ASAP1: variants seen among roughly 807,000 people sequenced by gnomAD.
ASAP1 encodes arf-GAP with SH3 domain, ANK repeat and PH domain-containing protein 1.
ASAP1 carries 43 observed loss-of-function variants against 145.2 expected under a neutral mutation model. The ratio of observed to expected loss-of-function variants is 0.30; its 90% CI spans 0.23 to 0.38. The LOEUF (loss-of-function observed/expected upper bound fraction) is 0.38. Among genes scored for constraint, ASAP1 ranks in the 10% least tolerant of loss-of-function variants. The pLI is 1.00. For missense variants in ASAP1, 1,018 were observed against 1,355.3 expected (o/e 0.75, Z 3.91); for synonymous variants, 546 against 515.5 (o/e 1.06, Z -0.80).
chr8:130,248,506 G>A lies in ASAP1; in HGVS notation c.187-11512C>T, dbSNP rs1006774361. 2.0e-5 allele frequency among the ~76,000 whole-genome samples: 3 copies of A among 152,114 alleles called. No individual in the cohort carries two copies. In the East Asian group the frequency reaches 5.8e-4, roughly 29 times the overall value. ...ACACTGGGACCCATCACACAGGGAG[G>A]AAAGGGCCATGGTAAGGAGACTGGA... On this transcript the variant is annotated intron_variant, in intron 3 of 29. Coordinates refer to ENST00000518721, the MANE Select transcript of ASAP1 (RefSeq NM_018482.4).
At chr8:130,394,923 G>A (rs1828456986) in intron 2 of ASAP1, among the ~76,000 whole-genome samples, 2 of 152,184 alleles carry the variant, frequency 1.3e-5, no homozygotes, top group Non-Finnish European at 2.9e-5. Flanking sequence ...GCAAACAGCA[G>A]AACCAGGAGA....
intron 13 of ASAP1, among the ~76,000 whole-genome samples, chr8:130,140,888 T>C (rs1484151659): frequency 6.6e-6 from 1 of 152,222 alleles, no homozygotes; most frequent in African/African-American, 2.4e-5. Context: ...AGGGGAGTGG[T>C]ATGTTCCACA....
intron 2 of ASAP1, among the ~76,000 whole-genome samples, chr8:130,380,534 C>A (rs1160360470): frequency 6.6e-6 from 1 of 152,130 alleles, no homozygotes; most frequent in Non-Finnish European, 1.5e-5. Flanking sequence ...CTCCACCAAC[C>A]GGCTGGGGTC....
In ASAP1 at chr8:130,141,043, T is replaced by C. The variant is rs867525062; in HGVS notation, c.1081-4005A>G. On this transcript the variant is annotated intron_variant, in intron 13 of 29. Transcript: ENST00000518721. ...ATAGGTATATTGATTGGAGACTGTA[T>C]AATCTTTCCTGGGATTTCAGCAGAC... 1.2e-4 allele frequency among the ~76,000 whole-genome samples: 18 copies of C among 152,344 alleles called. 1 individual carries two copies. The South Asian group carries it at 2.7e-3, about 23-fold the overall frequency.
At chr8:130,247,387 A>C (rs11785146) in intron 3 of ASAP1, among the ~76,000 whole-genome samples, 1,589 of 152,286 alleles carry the variant, frequency 0.01, 14 homozygotes, top group Middle Eastern at 0.041. Flanking sequence ...TGAACATCAG[A>C]ATGGCCCTAA....
intron 13 of ASAP1, among the ~76,000 whole-genome samples, chr8:130,145,284 T>A (rs1400197390): frequency 6.6e-6 from 1 of 152,176 alleles, no homozygotes; most frequent in African/African-American, 2.4e-5. Context: ...ATAAAATGCA[T>A]TAATTTGATA....
At chr8:130,191,899 C>G (rs543970379) in intron 5 of ASAP1, among the ~76,000 whole-genome samples, 2 of 152,128 alleles carry the variant, frequency 1.3e-5, no homozygotes, top group East Asian at 3.9e-4. Flanking sequence ...TCTTCCTAAC[C>G]CTTTCCTGTT....
At chr8:130,125,615 G>A (rs1322909959) in intron 17 of ASAP1, among the ~76,000 whole-genome samples, 1 of 152,152 alleles carries the variant, frequency 6.6e-6, no homozygotes, top group East Asian at 1.9e-4. Flanking sequence ...CAGAAGCCAT[G>A]AGGTAATGTG....
chr8:130,116,949 A>G lies in ASAP1; in HGVS notation c.1927T>C (p.Tyr643His). 2.5e-6 allele frequency: 4 copies of G among 1,613,446 alleles called. No individual in the cohort carries two copies. The highest frequency in any genetic ancestry group is 3.4e-6 in the Non-Finnish European group (4 of 1,179,828). ...TCAGGTTTACTGTACATACTACAGT[A>G]GTGTAGAACTGTGTTTCCCAGGGCC... is the stretch of plus-strand genomic sequence containing the variant. Reference protein sequence around the residue: ...QTALGNTVLHYCSMYSKPECL... With the variant: ...QTALGNTVLHHCSMYSKPECL... Residue 643 changes from tyrosine to histidine, a missense_variant, in exon 21 of 30, where the codon TAC becomes CAC. Around this residue, in one of 9 missense-constraint regions of ASAP1, gnomAD observed 353 missense variants for 375.4 expected, o/e 0.94. Coordinates refer to ENST00000518721, the MANE Select transcript of ASAP1 (RefSeq NM_018482.4).
chr8:130,067,661 A>T (rs551323240), intron 27 of ASAP1, among the ~76,000 whole-genome samples: 5 of 152,248 alleles, frequency 3.3e-5, no homozygotes, highest in Admixed American at 1.3e-4. Flanking sequence ...TGGGCCTCCC[A>T]AAGTGCTTGG....
intron 1 of ASAP1, among the ~76,000 whole-genome samples, chr8:130,405,165 G>C (rs1828968850): frequency 6.6e-6 from 1 of 152,032 alleles, no homozygotes; most frequent in African/African-American, 2.4e-5. Context: ...CACATAGACA[G>C]CACAAGTATG....
chr8:130,271,435 CAT>C (rs1169340486), intron 3 of ASAP1, among the ~76,000 whole-genome samples: 1 of 152,182 alleles, frequency 6.6e-6, no homozygotes, highest in Non-Finnish European at 1.5e-5. Flanking sequence ...ATACCTTTTA[CAT>C]AGTTTTGATA....
intron 3 of ASAP1, among the ~76,000 whole-genome samples, chr8:130,353,622 CACTT>C: frequency 6.6e-6 from 1 of 152,340 alleles, no homozygotes; most frequent in South Asian, 2.1e-4. Context: ...GTAATCCCAG[CACTT>C]TGGAAGGCTA....
chr8:130,335,424 T>C (rs1439588209), intron 3 of ASAP1, among the ~76,000 whole-genome samples: 1 of 152,144 alleles, frequency 6.6e-6, no homozygotes, highest in Non-Finnish European at 1.5e-5. Context: ...GTGAGCAACA[T>C]AGCCAGGATT....
intron 5 of ASAP1, among the ~76,000 whole-genome samples, chr8:130,213,572 T>C (rs554420108): frequency 6.6e-6 from 1 of 152,282 alleles, no homozygotes; most frequent in African/African-American, 2.4e-5. Context: ...TTCTGGATCC[T>C]TAAAGGAGGT....
chr8:130,135,419 A>G (rs1464711850), intron 14 of ASAP1, among the ~76,000 whole-genome samples: 1 of 152,176 alleles, frequency 6.6e-6, no homozygotes, highest in Non-Finnish European at 1.5e-5. Context: ...CAGGAGGTTG[A>G]GGCTGCAGTG....
intron 5 of ASAP1, among the ~76,000 whole-genome samples, chr8:130,206,457 A>T (rs1481955184): frequency 4.6e-5 from 7 of 152,086 alleles, no homozygotes; most frequent in Admixed American, 4.6e-4. Flanking sequence ...AGAAAAATAA[A>T]AAAAAAAACA....
At position 130,060,806 on chromosome 8, in the gene ASAP1, G is replaced by A; in HGVS notation, c.2965C>T (p.Leu989=). Residue 989 remains leucine, a synonymous_variant, in exon 28 of 30, where the codon CTG becomes TTG. Transcript: ENST00000518721. ...TCTCCCAGCTGTGGTTTGGGGGGCA[G>A]GTCCTTCATCTGTGGTTTGGGAGGT... is the stretch of plus-strand genomic sequence containing the variant. The part of the protein sequence containing the change: ...DLPPKPQMKD[L]PPKPQLGDLL... 6.2e-7 allele frequency: 1 copy of A among 1,614,076 alleles called. No individual in the cohort carries two copies. Among genetic ancestry groups the A allele is most frequent in the Non-Finnish European group, 8.5e-7 (1 of 1,180,012 alleles).
chr8:130,099,239 C>T (rs1368756146), intron 24 of ASAP1, among the ~76,000 whole-genome samples: 1 of 150,798 alleles, frequency 6.6e-6, no homozygotes, highest in African/African-American at 2.4e-5. Flanking sequence ...AGTGCAGTGG[C>T]GAGATCTCGG....
Sources: gnomAD v4.1 joint callset for allele counts (sites outside exome capture counted in the v4.1 genomes callset) on GRCh38, gnomAD v4.1.1 for gene constraint, gnomAD v4.1.1 regional missense constraint, MANE v1.5 for transcripts, NCBI Gene and HGNC (gene_info 2026-07-23, HGNC 2026-07-21) for gene names.